The following MPZL3 variants were observed in gnomAD, a reference collection of about 807,000 sequenced individuals.
MPZL3 encodes the protein myelin protein zero-like protein 3.
Under a neutral mutation model 24.8 loss-of-function variants are expected in MPZL3, and 23 were observed. The observed-to-expected ratio is 0.93, with a 90% CI of 0.67 to 1.31. The LOEUF is 1.31. MPZL3 is among the 40% of genes most tolerant of loss of function. The pLI, the probability that MPZL3 is intolerant of heterozygous loss-of-function variation, is 0.00. For missense variants in MPZL3, 277 were observed against 294.9 expected, an observed-to-expected ratio of 0.94 and a Z score of 0.44; for synonymous variants, 99 against 106.5, an observed-to-expected ratio of 0.93 and a Z score of 0.44.
Position 118,240,319 on chromosome 11 carries a change from A to C in MPZL3, c.132T>G (p.Val44=), listed in dbSNP as rs772582363. 3 of 1,609,448 alleles carry C rather than the reference A, an allele frequency of 1.9e-6. No individual in the cohort carries two copies. The highest frequency in any genetic ancestry group is 2.5e-6 in the Non-Finnish European group (3 of 1,178,510). The change falls in exon 2 of 6, where the codon GTT becomes GTG. Residue 44 remains valine (V), a synonymous_variant. Transcript: ENST00000278949. ...TGCATTTCAACTTGATCTTTTCTCC[A>C]ACATAACCTCGGACATGGGCATCTG... ...IRADAHVRGY[V]GEKIKLKCTF... is the part of the protein sequence containing the mutation.
intron 5 of MPZL3, among the ~76,000 whole-genome samples, chr11:118,231,113 C>T (rs946382849): frequency 1.3e-5 from 2 of 152,136 alleles, no homozygotes; most frequent in Non-Finnish European, 2.9e-5. Flanking sequence ...CTTTCTTGAC[C>T]CCACCCCAGA....
At chr11:118,250,489 T>C (rs534811780) in intron 1 of MPZL3, among the ~76,000 whole-genome samples, 1 of 152,278 alleles carries the variant, frequency 6.6e-6, no homozygotes, top group Admixed American at 6.5e-5. Flanking sequence ...TAACTGTGAA[T>C]ATACTAAAAA....
Position 118,240,367 on chromosome 11 carries a change from G to A in MPZL3, c.84C>T (p.Ile28=), listed in dbSNP as rs565159411. The A allele has an allele frequency of 1.7e-5, 28 of 1,604,334 alleles. No individual in the cohort carries two copies. Among genetic ancestry groups the A allele is most frequent in the South Asian group, 4.5e-5 (4 of 89,042 alleles). The change falls in exon 2 of 6, where the codon ATC becomes ATT. Residue 28 remains isoleucine (I), a synonymous_variant. Transcript: ENST00000278949. ...CTGCACGAATCTCCAAGGAAAAGAC[G>A]ATATAAACACCTAATCAAAGCAAAC... is the stretch of plus-strand genomic sequence containing the variant. The part of the protein sequence containing the change: ...LGVLFFQGVY[I]VFSLEIRADA...
At position 118,236,541 on chromosome 11, in the gene MPZL3, GA is replaced by G. The variant is rs555167766; in HGVS notation, c.451+508del. ...TTAATCGTCATCAGGGAATAACATA[GA>G]AAAAAAAATCAGTCCTTAATCTACT... On this transcript the variant is annotated intron_variant, in intron 3 of 5. Transcript: ENST00000278949. 1.7e-4 allele frequency among the ~76,000 whole-genome samples: 25 copies of G among 151,232 alleles called. No individual in the cohort carries two copies. In the South Asian group the frequency reaches 3.8e-3, roughly 23 times the overall value.
At chr11:118,232,818 G>T (rs1186248107) in intron 5 of MPZL3, among the ~76,000 whole-genome samples, 6 of 152,028 alleles carry the variant, frequency 3.9e-5, no homozygotes, top group Admixed American at 3.9e-4. Flanking sequence ...GCAATGACAG[G>T]TATGTATCAT....
rs765999487 is a variant in MPZL3, at chr11:118,252,282, C to T, written c.13G>A (p.Gly5Arg). 1.9e-6 allele frequency: 3 copies of T among 1,614,050 alleles called. No homozygotes were observed. Among genetic ancestry groups the T allele is most frequent in the East Asian group, 4.5e-5 (2 of 44,880 alleles). Residue 5 changes from glycine (G) to arginine (R), a missense_variant, in exon 1 of 6, where the codon GGA becomes AGA. By Grantham distance (125) the Gly-to-Arg change is moderately radical. Coordinates refer to ENST00000278949, the MANE Select transcript of MPZL3 (RefSeq NM_198275.3). Reference protein sequence around the residue: MQQRGAAGSRGCALF... With the variant: MQQRRAAGSRGCALF... ...GCGCAGCCACGGCTTCCAGCTGCTC[C>T]TCTCTGCTGCATCCCGGCAGCTCTT...
intron 1 of MPZL3, among the ~76,000 whole-genome samples, chr11:118,247,948 A>G (rs1200518329): frequency 6.6e-6 from 1 of 152,130 alleles, no homozygotes; most frequent in African/African-American, 2.4e-5. Context: ...ATCAGACTCT[A>G]AAATCATCTG....
intron 1 of MPZL3, among the ~76,000 whole-genome samples, chr11:118,248,070 C>CTTTTTTTTTTTTTTT (rs60335848): frequency 1.0e-5 from 1 of 98,988 alleles, no homozygotes. Context: ...ACAGTTTCCT[C>CTTTTTTTTTTTTTTT]TTTTTTTTTT....
At position 118,237,298 on chromosome 11, in the gene MPZL3, G is replaced by C. The variant is rs747633922; in HGVS notation, c.241-38C>G. 7.7e-6 allele frequency: 12 copies of C among 1,565,384 alleles called. 1 individual carries two copies. The highest frequency in any genetic ancestry group is 2.6e-6 in the Non-Finnish European group (3 of 1,136,812). ...CACCATGAGAGAAAAGGTTAACTTG[G>C]AAAATGCAATGAAAATATAAAGCTC... is the stretch of plus-strand genomic sequence containing the variant. On this transcript the variant is annotated intron_variant, in intron 2 of 5. Transcript: ENST00000278949.
chr11:118,245,259 G>T (rs992162883), intron 1 of MPZL3, among the ~76,000 whole-genome samples: 1 of 151,418 alleles, frequency 6.6e-6, no homozygotes, highest in Admixed American at 6.6e-5. Context: ...TTAGCCAGGC[G>T]TGGTGGTGGG....
chr11:118,232,637 T>C (rs1949369234), intron 5 of MPZL3, among the ~76,000 whole-genome samples: 1 of 152,156 alleles, frequency 6.6e-6, no homozygotes, highest in Non-Finnish European at 1.5e-5. Context: ...TTATTTTGCG[T>C]TCTTAAAAAT....
rs746811903 is a variant in MPZL3, at chr11:118,252,339, G to A, written c.-45C>T. 2 of 1,592,460 alleles carry A rather than the reference G, an allele frequency of 1.3e-6. No homozygotes were observed. Among genetic ancestry groups the A allele is most frequent in the Non-Finnish European group, 1.7e-6 (2 of 1,162,190 alleles). On this transcript the variant is annotated 5_prime_UTR_variant, in exon 1 of 6. Transcript: ENST00000278949. Reference sequence around the variant, plus strand: ...CTTGCACACCTTGTTTACAGCTCCCGGTAACGACACAGGTAACACCGGAAG... The same window carrying A: ...CTTGCACACCTTGTTTACAGCTCCCAGTAACGACACAGGTAACACCGGAAG...
intron 1 of MPZL3, among the ~76,000 whole-genome samples, chr11:118,244,436 G>A (rs1246350577): frequency 2.0e-5 from 3 of 152,170 alleles, no homozygotes; most frequent in African/African-American, 7.2e-5. Flanking sequence ...AGAGGAGAGT[G>A]GTTAATGAAA....
At position 118,240,092 on chromosome 11, in the gene MPZL3, T is replaced by G. The variant is rs538910021; in HGVS notation, c.240+119A>C. 788 of 1,001,424 alleles carry G rather than the reference T, an allele frequency of 7.9e-4. 1 individual carries two copies. Among genetic ancestry groups the G allele is most frequent in the Non-Finnish European group, 1.0e-3 (713 of 708,098 alleles). The allele number at this position is 1,001,424 out of a possible 1,614,324, so 62.0% of individuals were successfully genotyped here. A position where few individuals can be genotyped will look rare whatever the true frequency, so the allele number is the denominator to read the frequency against. ...AGGATAAAAGTTCATCTATCTCTAT[T>G]AAAGTAGAAGCCCATCTTCTACTCT... On this transcript the variant is annotated intron_variant, in intron 2 of 5. Coordinates refer to ENST00000278949, the MANE Select transcript of MPZL3 (RefSeq NM_198275.3).
At position 118,227,887 on chromosome 11, in the gene MPZL3, C is replaced by T. The variant is rs928912635; in HGVS notation, c.*2007G>A. On this transcript the variant is annotated 3_prime_UTR_variant, in exon 6 of 6. Coordinates refer to ENST00000278949, the MANE Select transcript of MPZL3 (RefSeq NM_198275.3). ...AGGACCTGCAAAATAGTCCCCCTCA[C>T]AATGAGATCTCTATCTTCAAATCTC... 1 of 152,202 alleles carries T rather than the reference C, an allele frequency of 6.6e-6. No individual in the cohort carries two copies. The highest frequency in any genetic ancestry group is 6.5e-5 in the Admixed American group (1 of 15,286). 9.4% of individuals were successfully genotyped at this position (152,202 alleles called of 1,614,324 possible).
chr11:118,230,967 T>C (rs1949343210), intron 5 of MPZL3, among the ~76,000 whole-genome samples: 2 of 152,174 alleles, frequency 1.3e-5, no homozygotes, highest in Admixed American at 6.5e-5. Flanking sequence ...AATGTGTTCA[T>C]TTTCTCCCAT....
intron 1 of MPZL3, among the ~76,000 whole-genome samples, chr11:118,244,216 T>C (rs1949531156): frequency 6.6e-6 from 1 of 152,238 alleles, no homozygotes; most frequent in South Asian, 2.1e-4. Flanking sequence ...AACATACATT[T>C]CTTGAGCATC....
intron 1 of MPZL3, among the ~76,000 whole-genome samples, chr11:118,244,787 T>C (rs969732959): frequency 6.6e-5 from 10 of 152,210 alleles, no homozygotes; most frequent in Admixed American, 1.3e-4. Context: ...TCTTAAAAGA[T>C]CACTTTAGGC....
At chr11:118,233,073 A>G (rs1949373582) in intron 5 of MPZL3, among the ~76,000 whole-genome samples, 1 of 152,128 alleles carries the variant, frequency 6.6e-6, no homozygotes, top group Non-Finnish European at 1.5e-5. Context: ...AGGTTATATC[A>G]ACCTAACTCC....
Sources: gnomAD v4.1 joint callset for allele counts (sites outside exome capture counted in the v4.1 genomes callset) on GRCh38, gnomAD v4.1.1 for gene constraint, MANE v1.5 for transcripts, NCBI Gene and HGNC (gene_info 2026-07-23, HGNC 2026-07-21) for gene names.